MARCHF1: variants seen among roughly 807,000 people sequenced by gnomAD.
MARCHF1 encodes E3 ubiquitin-protein ligase MARCHF1.
MARCHF1 carries 40 observed loss-of-function variants against 54.2 expected under a neutral mutation model. The ratio of observed to expected loss-of-function variants is 0.74; its 90% confidence interval spans 0.57 to 0.96. The LOEUF (loss-of-function observed/expected upper bound fraction) is 0.96. MARCHF1 is among the 40% of genes least tolerant of loss of function. The pLI, the probability that MARCHF1 is intolerant of heterozygous loss-of-function variation, is 0.00. For synonymous variants in MARCHF1, 236 were observed against 236.3 expected (o/e 1.00, Z 0.01); for missense variants, 586 against 656.5 (o/e 0.89, Z 1.17).
intron 4 of MARCHF1, among the ~76,000 whole-genome samples, chr4:163,767,010 CA>C (rs1746996237): frequency 6.9e-6 from 1 of 145,836 alleles, no homozygotes; most frequent in African/African-American, 2.5e-5. Context: ...AGCATTAGGA[CA>C]TATTTTTTTC....
At chr4:163,790,589 A>C (rs917856717) in intron 4 of MARCHF1, among the ~76,000 whole-genome samples, 23 of 152,286 alleles carry the variant, frequency 1.5e-4, no homozygotes, top group African/African-American at 5.3e-4. Flanking sequence ...CTAGAAACTA[A>C]TAGTTGAAAG....
At position 164,242,266 on chromosome 4, in the gene MARCHF1, C is replaced by G. The variant is rs576430199; in HGVS notation, c.-322-130604G>C. ...GAAGAGAGCAGTGGTTCTCCCAGCACGCAGCTGGAGATCTGAGAACGGGCA... is the reference window on the plus strand; with the variant it reads ...GAAGAGAGCAGTGGTTCTCCCAGCAGGCAGCTGGAGATCTGAGAACGGGCA... On this transcript the variant is annotated intron_variant, in intron 1 of 9. Coordinates refer to ENST00000514618, the MANE Select transcript of MARCHF1 (RefSeq NM_001394959.1). Among the ~76,000 whole-genome samples the G allele has an allele frequency of 2.0e-3, 285 of 143,602 alleles. 1 individual carries two copies. Among genetic ancestry groups the G allele is most frequent in the African/African-American group, 6.5e-3 (247 of 38,088 alleles). 94.2% of individuals were successfully genotyped at this position (143,602 alleles called of 152,430 possible).
At chr4:164,193,502 T>A (rs941825015) in intron 1 of MARCHF1, among the ~76,000 whole-genome samples, 1 of 152,056 alleles carries the variant, frequency 6.6e-6, no homozygotes, top group Non-Finnish European at 1.5e-5. Flanking sequence ...ACAGGAAAGA[T>A]CTTCTTTTGG....
At chr4:164,265,194 T>A in intron 1 of MARCHF1, among the ~76,000 whole-genome samples, 1 of 152,146 alleles carries the variant, frequency 6.6e-6, no homozygotes, top group East Asian at 1.9e-4. Context: ...TCAAATGTTA[T>A]CACAATTTGA....
At chr4:164,072,381 A>G (rs982410869) in intron 2 of MARCHF1, among the ~76,000 whole-genome samples, 1 of 152,066 alleles carries the variant, frequency 6.6e-6, no homozygotes, top group Non-Finnish European at 1.5e-5. Context: ...CTTCAGCAAC[A>G]TGGTGAAACT....
At chr4:163,917,052 C>A (rs893295577) in intron 3 of MARCHF1, among the ~76,000 whole-genome samples, 1 of 152,130 alleles carries the variant, frequency 6.6e-6, no homozygotes. Flanking sequence ...TTTGCTATCT[C>A]CATAGTTTTG....
At chr4:163,958,018 C>G (rs184347072) in intron 3 of MARCHF1, among the ~76,000 whole-genome samples, 251 of 152,060 alleles carry the variant, frequency 1.7e-3, no homozygotes, top group African/African-American at 5.6e-3. Flanking sequence ...AATAAGAGCC[C>G]GAAAGACTCT....
intron 1 of MARCHF1, among the ~76,000 whole-genome samples, chr4:164,200,977 G>A (rs1731435497): frequency 6.6e-6 from 1 of 152,092 alleles, no homozygotes; most frequent in African/African-American, 2.4e-5. Context: ...CAGAAAGAAA[G>A]CCAGACCACG....
At chr4:164,379,780 GT>G (rs764507483) in intron 1 of MARCHF1, among the ~76,000 whole-genome samples, 20 of 151,952 alleles carry the variant, frequency 1.3e-4, no homozygotes, top group African/African-American at 2.9e-4. Flanking sequence ...GAGTCCAGGA[GT>G]TTTAGCATAG....
At chr4:164,007,100 AC>A (rs1195236533) in intron 2 of MARCHF1, among the ~76,000 whole-genome samples, 10 of 144,402 alleles carry the variant, frequency 6.9e-5, no homozygotes, top group Non-Finnish European at 1.5e-4. Context: ...GCACTTTGGG[AC>A]TTTGGGAGGC....
intron 8 of MARCHF1, chr4:163,555,855 A>T (rs1436366555): frequency 4.1e-5 from 18 of 442,628 alleles, no homozygotes; most frequent in Non-Finnish European, 6.4e-5. Context: ...TTACCTCTTC[A>T]GTGAACAGCT....
rs143281251 is a variant in MARCHF1, at chr4:163,662,405, T to C, written c.162+38408A>G. On this transcript the variant is annotated intron_variant, in intron 5 of 9. Coordinates refer to ENST00000514618, the MANE Select transcript of MARCHF1 (RefSeq NM_001394959.1). ...TTAAATTTTCTAACTCTTTCTCTTCTGTTTTCTTTTTGTCATACTTTCTGG... is the reference window on the plus strand; with the variant it reads ...TTAAATTTTCTAACTCTTTCTCTTCCGTTTTCTTTTTGTCATACTTTCTGG... 4.5e-3 allele frequency among the ~76,000 whole-genome samples: 680 copies of C among 152,148 alleles called. 6 individuals carry two copies. Among genetic ancestry groups the C allele is most frequent in the African/African-American group, 0.016 (652 of 41,568 alleles).
At chr4:164,249,469 T>C (rs1187816505) in intron 1 of MARCHF1, among the ~76,000 whole-genome samples, 7 of 149,496 alleles carry the variant, frequency 4.7e-5, no homozygotes, top group African/African-American at 1.7e-4. Flanking sequence ...GCAGGGGAGG[T>C]TTCCAAAGAG....
At chr4:163,590,130 C>T (rs7696208) in intron 7 of MARCHF1, among the ~76,000 whole-genome samples, 93,147 of 150,896 alleles carry the variant, frequency 0.62, 29,658 homozygotes, top group African/African-American at 0.77. Flanking sequence ...AAGTAGGGGT[C>T]TTTTTTGGGT....
intron 3 of MARCHF1, among the ~76,000 whole-genome samples, chr4:163,930,013 T>TAATA (rs1255222592): frequency 7.4e-6 from 1 of 135,276 alleles, no homozygotes; most frequent in Non-Finnish European, 1.5e-5. Flanking sequence ...TATAAATATA[T>TAATA]TATATATACT....
At chr4:164,065,350 C>T (rs1179751348) in intron 2 of MARCHF1, among the ~76,000 whole-genome samples, 1 of 152,262 alleles carries the variant, frequency 6.6e-6, no homozygotes, top group African/African-American at 2.4e-5. Context: ...GGAAGACAAC[C>T]TAGGCAATAC....
At chr4:163,950,762 C>T (rs552146824) in intron 3 of MARCHF1, among the ~76,000 whole-genome samples, 1 of 152,328 alleles carries the variant, frequency 6.6e-6, no homozygotes, top group East Asian at 1.9e-4. Flanking sequence ...TAAATGTTAA[C>T]TTAGGGAGAT....
intron 4 of MARCHF1, among the ~76,000 whole-genome samples, chr4:163,733,535 ATGTTGGTGTGC>A (rs1310681379): frequency 2.0e-5 from 3 of 150,824 alleles, no homozygotes; most frequent in Admixed American, 1.3e-4. Flanking sequence ...TACATGTGCC[ATGTTGGTGTGC>A]TGCACTCATT....
intron 4 of MARCHF1, among the ~76,000 whole-genome samples, chr4:163,722,622 G>A (rs577916629): frequency 2.0e-5 from 3 of 152,204 alleles, no homozygotes; most frequent in Admixed American, 2.0e-4. Flanking sequence ...AATGTTGACA[G>A]TGGGGTGTTA....
Sources: gnomAD v4.1 joint callset for allele counts (sites outside exome capture counted in the v4.1 genomes callset) on GRCh38, gnomAD v4.1.1 for gene constraint, MANE v1.5 for transcripts, NCBI Gene and HGNC (gene_info 2026-07-23, HGNC 2026-07-21) for gene names.